Variants in PPARGC1A observed in about 807,000 individuals in gnomAD.
PPARGC1A encodes PPARG coactivator 1 alpha, also known as peroxisome proliferator-activated receptor gamma coactivator 1-alpha.
Under a neutral mutation model 88.7 loss-of-function variants are expected in PPARGC1A, and 25 were observed. The observed-to-expected ratio is 0.28, with a 90% CI of 0.21 to 0.39. The LOEUF (loss-of-function observed/expected upper bound fraction) is 0.39, where lower values mean the gene tolerates loss of function less well. PPARGC1A is among the 10% of genes least tolerant of loss of function. PPARGC1A has a pLI of 1.00. For missense variants in PPARGC1A, 880 were observed against 968.7 expected, an observed-to-expected ratio of 0.91 and a Z score of 1.22; for synonymous variants, 363 against 355.6, an observed-to-expected ratio of 1.02 and a Z score of -0.24.
At chr4:23,803,958 C>T (rs544389289) in intron 10 of PPARGC1A, among the ~76,000 whole-genome samples, 6 of 152,164 alleles carry the variant, frequency 3.9e-5, no homozygotes, top group Non-Finnish European at 7.3e-5. Context: ...AGTAGGCACC[C>T]GACAAGCATT....
At chr4:24,017,111 C>T in the PPARGC1A span, among the ~76,000 whole-genome samples, 3 of 152,170 alleles carry the variant, frequency 2.0e-5, no homozygotes, top group African/African-American at 7.2e-5. Context: ...GTTGCCCTTT[C>T]CACATCAGCC....
chr4:23,809,390 T>C (rs1720447192), intron 10 of PPARGC1A, among the ~76,000 whole-genome samples: 1 of 152,180 alleles, frequency 6.6e-6, no homozygotes, highest in East Asian at 1.9e-4. Flanking sequence ...ATAGGACCCT[T>C]TAGGCTATCT....
the PPARGC1A span, among the ~76,000 whole-genome samples, chr4:24,031,786 T>A: frequency 6.6e-6 from 1 of 152,212 alleles, no homozygotes; most frequent in Middle Eastern, 3.2e-3. Context: ...AGATGATAGT[T>A]CCCCTGGTAA....
At chr4:24,317,554 CTAAAAAAAAAAAAAAA>C in the PPARGC1A span, among the ~76,000 whole-genome samples, 1 of 14,254 alleles carries the variant, frequency 7.0e-5, no homozygotes, top group Non-Finnish European at 1.9e-4. Context: ...GTTCAGAGGA[CTAAAAAAAAAAAAAAA>C]AAAAAAAAAA....
the PPARGC1A span, among the ~76,000 whole-genome samples, chr4:24,140,125 C>T: frequency 3.3e-5 from 5 of 152,144 alleles, no homozygotes; most frequent in African/African-American, 1.2e-4. Flanking sequence ...TGTCTGCTTG[C>T]CATCTATCTG....
At chr4:24,402,636 G>A in the PPARGC1A span, among the ~76,000 whole-genome samples, 7 of 152,174 alleles carry the variant, frequency 4.6e-5, no homozygotes, top group Non-Finnish European at 1.0e-4. Flanking sequence ...CACCAGAGAT[G>A]AGGACTGGAA....
the PPARGC1A span, among the ~76,000 whole-genome samples, chr4:24,291,902 G>A: frequency 0.3 from 45,765 of 152,120 alleles, 7,126 homozygotes; most frequent in Middle Eastern, 0.34. Context: ...TGAATTCGAA[G>A]AGAAAAAAGC....
chr4:24,273,747 T>C, the PPARGC1A span, among the ~76,000 whole-genome samples: 1 of 94,828 alleles, frequency 1.1e-5, no homozygotes, highest in Non-Finnish European at 2.1e-5. Flanking sequence ...TTTTTTTTTT[T>C]GAGACAGAGT....
At chr4:24,387,832 G>GAAAGAA in the PPARGC1A span, among the ~76,000 whole-genome samples, 17 of 100,492 alleles carry the variant, frequency 1.7e-4, no homozygotes, top group South Asian at 7.2e-4. Flanking sequence ...AAGAGAGAAA[G>GAAAGAA]AGAGAAAGAG....
chr4:24,334,704 G>A, the PPARGC1A span, among the ~76,000 whole-genome samples: 7 of 152,154 alleles, frequency 4.6e-5, no homozygotes, highest in African/African-American at 7.2e-5. Flanking sequence ...GGAGGATGTT[G>A]GGGGGCATGT....
the PPARGC1A span, among the ~76,000 whole-genome samples, chr4:24,140,675 C>A: frequency 2.0e-5 from 3 of 152,128 alleles, no homozygotes; most frequent in African/African-American, 7.2e-5. Flanking sequence ...AAAGGTGAAT[C>A]TCTTTCTTTG....
the PPARGC1A span, among the ~76,000 whole-genome samples, chr4:24,457,010 C>T: frequency 1.3e-5 from 2 of 152,098 alleles, no homozygotes; most frequent in African/African-American, 2.4e-5. Context: ...AGGGACTGAG[C>T]CTTCATGGGA....
chr4:24,211,384 G>A, the PPARGC1A span, among the ~76,000 whole-genome samples: 1 of 152,144 alleles, frequency 6.6e-6, no homozygotes, highest in Non-Finnish European at 1.5e-5. Context: ...TAGAAAGGAA[G>A]CTGAATGTCA....
At chr4:24,168,642 G>GACACACAC in the PPARGC1A span, among the ~76,000 whole-genome samples, 6 of 148,092 alleles carry the variant, frequency 4.1e-5, no homozygotes, top group Non-Finnish European at 6.0e-5. Flanking sequence ...CACAGACATA[G>GACACACAC]ACACACACAC....
the PPARGC1A span, among the ~76,000 whole-genome samples, chr4:24,298,388 A>G: frequency 6.6e-6 from 1 of 152,134 alleles, no homozygotes; most frequent in Non-Finnish European, 1.5e-5. Flanking sequence ...TAAAATGGGA[A>G]TGATAGTAGT....
intron 1 of PPARGC1A, chr4:23,889,332 G>C: frequency 2.0e-6 from 2 of 985,324 alleles, no homozygotes; most frequent in Non-Finnish European, 2.4e-6. Context: ...CCACGTATAG[G>C]AGTTTTAAAG....
At chr4:23,956,462 TCA>T in the PPARGC1A span, among the ~76,000 whole-genome samples, 2 of 152,176 alleles carry the variant, frequency 1.3e-5, no homozygotes, top group South Asian at 4.2e-4. Flanking sequence ...AGTTAATGAC[TCA>T]CAGAGTCAAA....
the PPARGC1A span, among the ~76,000 whole-genome samples, chr4:23,964,392 T>TGACCA: frequency 6.6e-6 from 1 of 152,166 alleles, no homozygotes; most frequent in Admixed American, 6.5e-5. Flanking sequence ...AAGAGCATGG[T>TGACCA]GACCAGTATG....
chr4:24,186,695 G>A, the PPARGC1A span, among the ~76,000 whole-genome samples: 30 of 152,136 alleles, frequency 2.0e-4, no homozygotes, highest in Admixed American at 8.5e-4. Context: ...ACCCATTGGA[G>A]CCACTTGGAG....
Sources: gnomAD v4.1 joint callset for allele counts (sites outside exome capture counted in the v4.1 genomes callset) on GRCh38, gnomAD v4.1.1 for gene constraint, MANE v1.5 for transcripts, NCBI Gene and HGNC (gene_info 2026-07-23, HGNC 2026-07-21) for gene names.